Variants in FGD3 observed in about 807,000 individuals in gnomAD.
FGD3 encodes FYVE, RhoGEF and PH domain containing 3.
In FGD3, 45 loss-of-function variants were observed where a neutral mutation model predicts 71.8. The ratio of observed to expected loss-of-function variants is 0.63; its 90% CI spans 0.49 to 0.80. The LOEUF (loss-of-function observed/expected upper bound fraction) is 0.80. FGD3 is among the 30% of genes least tolerant of loss of function. FGD3 has a pLI of 0.00. For missense variants in FGD3, 844 were observed against 951.5 expected, an observed-to-expected ratio of 0.89 and a Z score of 1.49; for synonymous variants, 378 against 392.8, an observed-to-expected ratio of 0.96 and a Z score of 0.44.
At chr9:93,015,946 T>G (rs1035781223) in intron 10 of FGD3, 117 bp downstream of exon 10, 3 of 870,900 alleles carry the variant, frequency 3.4e-6, no homozygotes, top group Non-Finnish European at 5.6e-6. Context: ...CACCCCTACC[T>G]GCTTTTCCAA....
At chr9:93,014,736 G>C (rs1416883298) in intron 9 of FGD3, among the ~76,000 whole-genome samples, 1 of 152,108 alleles carries the variant, frequency 6.6e-6, no homozygotes, top group Non-Finnish European at 1.5e-5. Context: ...CCACCTCCCA[G>C]GTTCAAGCAA....
At chr9:92,966,834 T>C (rs995507176) in intron 1 of FGD3, among the ~76,000 whole-genome samples, 1 of 152,268 alleles carries the variant, frequency 6.6e-6, no homozygotes, top group East Asian at 1.9e-4. Context: ...CTTCGCACCT[T>C]GTCATTTTGG....
intron 3 of FGD3, among the ~76,000 whole-genome samples, chr9:92,981,845 C>CT (rs918083678): frequency 4.0e-5 from 6 of 151,002 alleles, no homozygotes; most frequent in African/African-American, 1.5e-4. Flanking sequence ...AGCAGTGATT[C>CT]TTTTTTTTTA....
intron 13 of FGD3, among the ~76,000 whole-genome samples, chr9:93,021,660 C>T (rs1032075490): frequency 2.6e-5 from 4 of 152,296 alleles, no homozygotes; most frequent in East Asian, 1.9e-4. Context: ...ACCCAGACCC[C>T]GCAGGCCTGA....
At chr9:92,953,834 AT>A (rs1193153454) in intron 1 of FGD3, among the ~76,000 whole-genome samples, 4 of 152,346 alleles carry the variant, frequency 2.6e-5, no homozygotes, top group South Asian at 4.1e-4. Context: ...TACACTCAGT[AT>A]CCCTTCTTTT....
At chr9:93,029,745 C>G in intron 14 of FGD3, 129 bp from the exon 15 acceptor site, 1 of 1,268,766 alleles carries the variant, frequency 7.9e-7, no homozygotes, top group Non-Finnish European at 1.1e-6. Flanking sequence ...TCATTCCCTT[C>G]TGCATGTTCC....
At chr9:92,950,977 C>G (rs1043262253) in intron 1 of FGD3, among the ~76,000 whole-genome samples, 8 of 151,956 alleles carry the variant, frequency 5.3e-5, no homozygotes, top group African/African-American at 1.9e-4. Flanking sequence ...CTGCTTGGGC[C>G]CTGAAGAGAA....
intron 1 of FGD3, among the ~76,000 whole-genome samples, chr9:92,954,272 G>A (rs1178539981): frequency 2.0e-5 from 3 of 152,188 alleles, no homozygotes; most frequent in Non-Finnish European, 4.4e-5. Flanking sequence ...AAGCCACACA[G>A]GAATGACTAC....
chr9:93,023,513 T>C (rs1195051650), intron 14 of FGD3, among the ~76,000 whole-genome samples: 1 of 152,128 alleles, frequency 6.6e-6, no homozygotes, highest in Non-Finnish European at 1.5e-5. Context: ...GACATCTTAT[T>C]AACACTGAAA....
rs957606372 is a variant in FGD3, at chr9:92,986,704, C to T, written c.453+9995C>T. ...GGACCACAGAGTGAGGCCCTGTGCC[C>T]GCAGACAAACTGCTTCAAAAGCCAC... On this transcript the variant is annotated intron_variant, in intron 3 of 17. Transcript: ENST00000375482. 1.7e-4 allele frequency among the ~76,000 whole-genome samples: 26 copies of T among 152,168 alleles called. 1 individual carries two copies. Among genetic ancestry groups the T allele is most frequent in the Admixed American group, 1.1e-3 (17 of 15,268 alleles).
At chr9:92,995,468 C>A (rs1201080373) in intron 3 of FGD3, among the ~76,000 whole-genome samples, 1 of 152,168 alleles carries the variant, frequency 6.6e-6, no homozygotes, top group African/African-American at 2.4e-5. Context: ...TGCTTTATTT[C>A]TTTCTCTTGC....
intron 8 of FGD3, among the ~76,000 whole-genome samples, chr9:93,011,651 T>C (rs1351453168): frequency 8.1e-6 from 1 of 123,164 alleles, no homozygotes; most frequent in Non-Finnish European, 1.8e-5. Context: ...AGGTCAGGAG[T>C]TGGAGACCAG....
Position 93,035,704 on chromosome 9 carries a change from A to G in FGD3, c.*115A>G. ...ACTGCTGAGGGTGGGCCAACAGCCCAGAGCTCAGGACACTTGGCTTTGGGG... is the reference window on the plus strand; with the variant it reads ...ACTGCTGAGGGTGGGCCAACAGCCCGGAGCTCAGGACACTTGGCTTTGGGG... On this transcript the variant is annotated 3_prime_UTR_variant, in exon 18 of 18. Transcript: ENST00000375482. 7 of 1,409,958 alleles carry G rather than the reference A, an allele frequency of 5.0e-6. No individual in the cohort carries two copies. Among genetic ancestry groups the G allele is most frequent in the Non-Finnish European group, 6.6e-6 (7 of 1,067,628 alleles). 87.3% of individuals were successfully genotyped at this position (1,409,958 alleles called of 1,614,324 possible).
intron 5 of FGD3, 123 bp from the exon 6 acceptor site, chr9:93,005,901 A>G: frequency 9.3e-7 from 1 of 1,073,470 alleles, no homozygotes; most frequent in Non-Finnish European, 1.3e-6. Context: ...AGGGTGACCA[A>G]TTTGCTCACC....
intron 1 of FGD3, among the ~76,000 whole-genome samples, chr9:92,950,418 CAA>C (rs772736450): frequency 1.1e-4 from 12 of 113,632 alleles, no homozygotes; most frequent in African/African-American, 1.3e-4. Flanking sequence ...GATTCCATCT[CAA>C]AAAAAAAAAA....
intron 3 of FGD3, among the ~76,000 whole-genome samples, chr9:92,983,651 A>G (rs909866055): frequency 1.3e-5 from 2 of 152,250 alleles, no homozygotes; most frequent in Non-Finnish European, 2.9e-5. Flanking sequence ...GAGCAGAATA[A>G]TGCTTTAATA....
intron 9 of FGD3, 150 bp downstream of exon 9, chr9:93,014,148 GC>G (rs1432532758): frequency 9.6e-7 from 1 of 1,045,386 alleles, no homozygotes; most frequent in East Asian, 3.1e-5. Context: ...GAGACCCTCA[GC>G]ATCCCTCCCC....
chr9:93,011,409 C>CCTGGGGATGGGGGTGGA, intron 8 of FGD3, 137 bp downstream of exon 8: 4 of 1,044,720 alleles, frequency 3.8e-6, no homozygotes, highest in African/African-American at 1.6e-5. Context: ...CTTCCACCCC[C>CCTGGGGATGGGGGTGGA]ATCCCCAGGG....
At chr9:92,997,106 GTCTAAGTC>G (rs1860677151) in intron 3 of FGD3, among the ~76,000 whole-genome samples, 4 of 152,186 alleles carry the variant, frequency 2.6e-5, no homozygotes, top group Admixed American at 6.5e-5. Context: ...TTGTGTGGGA[GTCTAAGTC>G]TCTTTGTAGG....
Sources: allele counts gnomAD v4.1 joint callset (sites outside exome capture counted in the v4.1 genomes callset), GRCh38; gene constraint gnomAD v4.1.1; transcripts MANE v1.5; gene names NCBI Gene and HGNC (gene_info 2026-07-23, HGNC 2026-07-21).